PALLD: variants seen among roughly 807,000 people sequenced by gnomAD.
PALLD encodes palladin, cytoskeletal associated protein, also known as palladin.
Under a neutral mutation model 123.5 loss-of-function variants are expected in PALLD, and 61 were observed. The observed-to-expected ratio is 0.49, with a 90% CI of 0.40 to 0.61. PALLD has a LOEUF of 0.61. PALLD is among the 20% of genes least tolerant of loss of function. The pLI is 0.00. For missense variants in PALLD, 1,273 were observed against 1,377.0 expected, an observed-to-expected ratio of 0.92 and a Z score of 1.20; for synonymous variants, 465 against 496.4, an observed-to-expected ratio of 0.94 and a Z score of 0.84.
At chr4:168,507,184 A>T (rs1173754923) in intron 1 of PALLD, among the ~76,000 whole-genome samples, 2 of 152,162 alleles carry the variant, frequency 1.3e-5, no homozygotes, top group East Asian at 1.9e-4. Context: ...TAAAATAAAA[A>T]AACTTGTTCC....
rs536224536 is a variant in PALLD, at chr4:168,563,404, A to G, written c.908+50992A>G. 3.3e-5 allele frequency among the ~76,000 whole-genome samples: 5 copies of G among 152,338 alleles called. No individual in the cohort carries two copies. In the South Asian group the frequency reaches 8.3e-4, roughly 25 times the overall value. ...TTAAAGACACATAGACCATAACCAG[A>G]AACATCATGCTGTCAGTCAGATATC... On this transcript the variant is annotated intron_variant, in intron 2 of 21. Coordinates refer to ENST00000505667, the MANE Select transcript of PALLD (RefSeq NM_001166108.2).
intron 2 of PALLD, among the ~76,000 whole-genome samples, chr4:168,604,498 C>T (rs1338614440): frequency 6.6e-6 from 1 of 152,138 alleles, no homozygotes; most frequent in Non-Finnish European, 1.5e-5. Flanking sequence ...TTGAACATCT[C>T]TAGACATAAC....
rs528457214 is a variant in PALLD at position 168,716,831 on chromosome 4, A to T, written c.1964+4908A>T. On this transcript the variant is annotated intron_variant, in intron 10 of 21. Coordinates refer to ENST00000505667, the MANE Select transcript of PALLD (RefSeq NM_001166108.2). ...AATAGCAGCCTTTATCATTCTCTTT[A>T]TTAGTGAGGTTTTCCATATTTGGAA... 9.8e-5 allele frequency among the ~76,000 whole-genome samples: 15 copies of T among 152,300 alleles called. No homozygotes were observed. In the East Asian group the frequency reaches 2.9e-3, roughly 29 times the overall value.
At chr4:168,760,823 G>T (rs572166393) in intron 10 of PALLD, among the ~76,000 whole-genome samples, 101 of 152,258 alleles carry the variant, frequency 6.6e-4, no homozygotes, top group Non-Finnish European at 1.3e-3. Flanking sequence ...TATGCCTATT[G>T]TTTTTCTTGT....
Position 168,741,913 on chromosome 4 carries a change from G to A in PALLD, c.1964+29990G>A, listed in dbSNP as rs77153446. Among the ~76,000 whole-genome samples the A allele has an allele frequency of 3.7e-4, 56 of 152,212 alleles. No homozygotes were observed. The East Asian group carries it at 6.0e-3, about 16-fold the overall frequency. ...TCATTGACAGCTGACTTTATTTTTCGATTTGTCAGAGCACGCCAAAGCCCA... is the reference window on the plus strand; with the variant it reads ...TCATTGACAGCTGACTTTATTTTTCAATTTGTCAGAGCACGCCAAAGCCCA... On this transcript the variant is annotated intron_variant, in intron 10 of 21. Transcript: ENST00000505667.
At chr4:168,689,238 A>G (rs1188082394) in intron 6 of PALLD, among the ~76,000 whole-genome samples, 1 of 152,126 alleles carries the variant, frequency 6.6e-6, no homozygotes. Flanking sequence ...ACTGCAGGAC[A>G]TTGGTTACAG....
intron 10 of PALLD, among the ~76,000 whole-genome samples, chr4:168,764,428 A>G (rs1733374110): frequency 6.6e-6 from 1 of 152,120 alleles, no homozygotes; most frequent in Non-Finnish European, 1.5e-5. Flanking sequence ...TTTTTTAGAA[A>G]CAGGATCTTT....
intron 2 of PALLD, among the ~76,000 whole-genome samples, chr4:168,654,191 A>G (rs1778334313): frequency 6.6e-6 from 1 of 152,198 alleles, no homozygotes; most frequent in Non-Finnish European, 1.5e-5. Context: ...GCAACTAGTA[A>G]ATATCATATG....
chr4:168,591,570 CT>C (rs1432390633), intron 2 of PALLD, among the ~76,000 whole-genome samples: 1 of 152,144 alleles, frequency 6.6e-6, no homozygotes, highest in Non-Finnish European at 1.5e-5. Flanking sequence ...TAAAAACGAC[CT>C]TTCATGAAAG....
chr4:168,631,912 C>T, intron 2 of PALLD: 1 of 985,242 alleles, frequency 1.0e-6, no homozygotes, highest in African/African-American at 1.7e-5. Context: ...TAAGTGGCAG[C>T]ATTAAATCTA....
chr4:168,501,628 AT>A (rs1376452357), intron 1 of PALLD, among the ~76,000 whole-genome samples: 8 of 152,124 alleles, frequency 5.3e-5, no homozygotes, highest in African/African-American at 1.9e-4. Flanking sequence ...TTTGCTTAAG[AT>A]GAAGAGTTTG....
intron 17 of PALLD, among the ~76,000 whole-genome samples, chr4:168,918,546 T>G (rs1464334265): frequency 6.6e-6 from 1 of 152,130 alleles, no homozygotes; most frequent in African/African-American, 2.4e-5. Flanking sequence ...GAGGGAAAGT[T>G]GGGGAAATGT....
Position 168,728,772 on chromosome 4 carries a change from G to A in PALLD, c.1964+16849G>A, listed in dbSNP as rs187394034. 2.6e-3 allele frequency among the ~76,000 whole-genome samples: 389 copies of A among 152,108 alleles called. 1 individual carries two copies. The highest frequency in any genetic ancestry group is 4.1e-3 in the Non-Finnish European group (282 of 67,992). Reference sequence around the variant, plus strand: ...TCTAATTACATGAGTAAGCTCTTTAGTGGTAATTCGTGAGATCTTGGTGCA... The same window carrying A: ...TCTAATTACATGAGTAAGCTCTTTAATGGTAATTCGTGAGATCTTGGTGCA... On this transcript the variant is annotated intron_variant, in intron 10 of 21. Transcript: ENST00000505667.
intron 10 of PALLD, among the ~76,000 whole-genome samples, chr4:168,852,593 A>G (rs775231433): frequency 2.0e-4 from 31 of 152,182 alleles, no homozygotes; most frequent in Non-Finnish European, 3.7e-4. Context: ...GTGAGCCGTG[A>G]CTATGCCACT....
chr4:168,809,340 C>CTTCTTCT (rs1239739614), intron 10 of PALLD, among the ~76,000 whole-genome samples: 47 of 61,456 alleles, frequency 7.6e-4, no homozygotes, highest in African/African-American at 2.0e-3. Flanking sequence ...TCTTCTTCTT[C>CTTCTTCT]TTTTTTTTTT....
chr4:168,780,001 C>T (rs13128080), intron 10 of PALLD, among the ~76,000 whole-genome samples: 4 of 151,988 alleles, frequency 2.6e-5, no homozygotes, highest in African/African-American at 9.7e-5. Context: ...GGGGTTCAAG[C>T]GATTCTCCTG....
intron 2 of PALLD, among the ~76,000 whole-genome samples, chr4:168,519,447 G>C (rs1763312206): frequency 1.3e-5 from 2 of 152,078 alleles, no homozygotes. Flanking sequence ...GAATCGGATA[G>C]GTTGGCTTTT....
At chr4:168,723,006 T>C (rs1039506325) in intron 10 of PALLD, among the ~76,000 whole-genome samples, 13 of 152,106 alleles carry the variant, frequency 8.5e-5, no homozygotes, top group African/African-American at 2.9e-4. Context: ...AAAGAGAGGA[T>C]TCTGAAAGTT....
intron 10 of PALLD, among the ~76,000 whole-genome samples, chr4:168,732,013 TACTTA>T (rs1377608891): frequency 2.0e-5 from 3 of 152,244 alleles, no homozygotes; most frequent in Non-Finnish European, 2.9e-5. Flanking sequence ...TGAAAATTAA[TACTTA>T]ACTTGTCATG....
Sources: gnomAD v4.1 joint callset for allele counts (sites outside exome capture counted in the v4.1 genomes callset) on GRCh38, gnomAD v4.1.1 for gene constraint, MANE v1.5 for transcripts, NCBI Gene and HGNC (gene_info 2026-07-23, HGNC 2026-07-21) for gene names.